Variants in OR51B5 observed in about 807,000 individuals in gnomAD.
OR51B5 encodes olfactory receptor family 51 subfamily B member 5, also known as olfactory receptor 51B5.
For synonymous variants in OR51B5, 186 were observed against 144.8 expected, an observed-to-expected ratio of 1.28 and a Z score of -2.04; for missense variants, 456 against 374.6, an observed-to-expected ratio of 1.22 and a Z score of -1.79.
At chr11:5,343,704 A>G (rs1848943943), upstream of OR51B5, 1 of 505,810 alleles carries the variant, frequency 2.0e-6, no homozygotes. Flanking sequence ...TACTATTTGT[A>G]TTCTTAACTG....
chr11:5,389,525 T>C (rs1170970955), intron 1 of OR51B5: 1 of 1,613,990 alleles, frequency 6.2e-7, no homozygotes, highest in South Asian at 1.1e-5. Context: ...TTTCATCCCC[T>C]TTTTCTTTAT....
At chr11:5,374,150 C>A (rs1164750023) in intron 1 of OR51B5, among the ~76,000 whole-genome samples, 1 of 152,170 alleles carries the variant, frequency 6.6e-6, no homozygotes, top group African/African-American at 2.4e-5. Flanking sequence ...GAGGAACGAT[C>A]AGACAGCAGC....
At chr11:5,398,284 A>G (rs1849911883) in intron 1 of OR51B5, among the ~76,000 whole-genome samples, 4 of 152,220 alleles carry the variant, frequency 2.6e-5, no homozygotes, top group Admixed American at 2.0e-4. Flanking sequence ...TCATTTCACA[A>G]AGATACTGAC....
chr11:5,349,567 G>A (rs1849043783), intron 1 of OR51B5, among the ~76,000 whole-genome samples: 1 of 152,002 alleles, frequency 6.6e-6, no homozygotes, highest in African/African-American at 2.4e-5. Flanking sequence ...AAAAATTAAA[G>A]TTATTATGTG....
intron 1 of OR51B5, among the ~76,000 whole-genome samples, chr11:5,373,436 G>A (rs1217907375): frequency 6.6e-6 from 1 of 152,190 alleles, no homozygotes; most frequent in Non-Finnish European, 1.5e-5. Flanking sequence ...TTCCATCTGA[G>A]GTATGGGGTT....
intron 1 of OR51B5, chr11:5,489,157 G>A (rs774342326): frequency 6.2e-7 from 1 of 1,613,830 alleles, no homozygotes; most frequent in South Asian, 1.1e-5. Context: ...TGGCTTTGTT[G>A]GGCTATTCCG....
At chr11:5,402,714 A>T (rs1385282389) in intron 1 of OR51B5, 1 of 471,196 alleles carries the variant, frequency 2.1e-6, no homozygotes, top group Non-Finnish European at 4.4e-6. Context: ...GATATACATC[A>T]TCATTTTCCT....
intron 1 of OR51B5, chr11:5,456,566 A>G (rs573303230): frequency 1.3e-5 from 2 of 152,336 alleles, no homozygotes; most frequent in East Asian, 3.9e-4. Flanking sequence ...GGTCTAAAAT[A>G]AAGGTAAAAA....
chr11:5,421,965 T>TA, intron 1 of OR51B5: 1 of 479,418 alleles, frequency 2.1e-6, no homozygotes, highest in Non-Finnish European at 3.7e-6. Context: ...ACCCATGAAT[T>TA]AATATATATT....
At chr11:5,413,539 A>T (rs1253784149) in intron 1 of OR51B5, among the ~76,000 whole-genome samples, 9 of 152,286 alleles carry the variant, frequency 5.9e-5, no homozygotes, top group African/African-American at 2.2e-4. Context: ...CTTTGAAAAA[A>T]ATTTAGATGA....
chr11:5,382,771 A>G (rs1283926381), intron 1 of OR51B5, among the ~76,000 whole-genome samples: 1 of 151,978 alleles, frequency 6.6e-6, no homozygotes, highest in Non-Finnish European at 1.5e-5. Flanking sequence ...GGCCCTAACA[A>G]CCAGTTACTT....
intron 1 of OR51B5, among the ~76,000 whole-genome samples, chr11:5,373,987 C>G (rs907574161): frequency 6.6e-6 from 1 of 152,190 alleles, no homozygotes; most frequent in African/African-American, 2.4e-5. Context: ...GTGGTTCTCC[C>G]AGCACACAGC....
chr11:5,490,155 T>C (rs1256159431), intron 1 of OR51B5, among the ~76,000 whole-genome samples: 1 of 152,198 alleles, frequency 6.6e-6, no homozygotes, highest in African/African-American at 2.4e-5. Context: ...AATGTTTCTG[T>C]GCCTCAGTTT....
chr11:5,360,752 C>T (rs1329260410), intron 1 of OR51B5, among the ~76,000 whole-genome samples: 2 of 148,364 alleles, frequency 1.3e-5, no homozygotes, highest in Non-Finnish European at 3.0e-5. Flanking sequence ...AAATGTCCAA[C>T]AATGATAGAC....
At chr11:5,488,814 C>T in intron 1 of OR51B5, 1 of 1,614,060 alleles carries the variant, frequency 6.2e-7, no homozygotes, top group Non-Finnish European at 8.5e-7. Context: ...CTTTCTGTGC[C>T]ATGTATCTTG....
At chr11:5,341,022 A>G (rs1006620767), downstream of OR51B5, 5 of 152,208 alleles carry the variant, frequency 3.3e-5, no homozygotes, top group African/African-American at 4.8e-5. Context: ...AGGATAAAAA[A>G]CATGATAAAG....
intron 1 of OR51B5, chr11:5,351,903 T>C (rs575329909): frequency 1.2e-6 from 2 of 1,613,142 alleles, no homozygotes; most frequent in Non-Finnish European, 1.7e-6. Flanking sequence ...GATATACCTC[T>C]ATCCTGACCA....
chr11:5,494,541 G>A (rs1323483080), intron 1 of OR51B5, among the ~76,000 whole-genome samples: 2 of 152,210 alleles, frequency 1.3e-5, no homozygotes, highest in South Asian at 2.1e-4. Context: ...TCCTTTTAGA[G>A]TTATAAAATA....
intron 1 of OR51B5, among the ~76,000 whole-genome samples, chr11:5,479,656 G>A (rs1224832923): frequency 6.6e-6 from 1 of 151,808 alleles, no homozygotes; most frequent in Admixed American, 6.6e-5. Flanking sequence ...AAAATAAAAG[G>A]ATGGAGGAAG....
Sources: allele counts gnomAD v4.1 joint callset (sites outside exome capture counted in the v4.1 genomes callset), GRCh38; gene constraint gnomAD v4.1.1; transcripts MANE v1.5; gene names NCBI Gene and HGNC (gene_info 2026-07-23, HGNC 2026-07-21).